The following LPP variants were observed in gnomAD, a reference collection of about 807,000 sequenced individuals.
LPP encodes the protein LIM domain containing preferred translocation partner in lipoma, also known as lipoma-preferred partner.
A neutral mutation model predicts 60.4 loss-of-function variants in LPP; 38 were observed. The observed-to-expected ratio is 0.63, with a 90% CI of 0.49 to 0.83. The LOEUF (loss-of-function observed/expected upper bound fraction) is 0.83. Among genes scored for constraint, LPP ranks in the 40% least tolerant of loss-of-function variants. The probability of loss-of-function intolerance (pLI) is 0.00; values close to 1 mark genes in which losing one functional copy is unlikely to be tolerated. For synonymous variants in LPP, 328 were observed against 290.8 expected (o/e 1.13, Z -1.30); for missense variants, 902 against 783.6 (o/e 1.15, Z -1.80).
At chr3:188,623,830 T>C (rs541340420) in intron 7 of LPP, among the ~76,000 whole-genome samples, 1 of 152,208 alleles carries the variant, frequency 6.6e-6, no homozygotes, top group Non-Finnish European at 1.5e-5. Context: ...CATGAGGCCA[T>C]TGGGCGGGTG....
At chr3:188,379,334 TCAATTCTTA>T (rs1401274319) in intron 3 of LPP, among the ~76,000 whole-genome samples, 6 of 152,178 alleles carry the variant, frequency 3.9e-5, no homozygotes, top group African/African-American at 1.4e-4. Flanking sequence ...GTGGGGAGAA[TCAATTCTTA>T]CAACTTTCGA....
chr3:188,753,988 T>C (rs896187822), intron 8 of LPP, among the ~76,000 whole-genome samples: 31 of 152,332 alleles, frequency 2.0e-4, no homozygotes, highest in African/African-American at 6.7e-4. Context: ...CAGAGCTAAA[T>C]GGCAATAACC....
chr3:188,407,627 T>C (rs980179756), intron 4 of LPP, among the ~76,000 whole-genome samples: 2 of 152,174 alleles, frequency 1.3e-5, no homozygotes, highest in African/African-American at 4.8e-5. Context: ...ACTGCATCTT[T>C]GCAGTTAATC....
At chr3:188,198,282 C>T (rs1730098586) in intron 1 of LPP, among the ~76,000 whole-genome samples, 2 of 152,222 alleles carry the variant, frequency 1.3e-5, no homozygotes, top group African/African-American at 2.4e-5. Context: ...CCAGGCACCA[C>T]ACTCCTAAAC....
chr3:188,746,172 A>C (rs1470809530), intron 8 of LPP, among the ~76,000 whole-genome samples: 1 of 151,864 alleles, frequency 6.6e-6, no homozygotes, highest in African/African-American at 2.4e-5. Flanking sequence ...TCATTATGGC[A>C]CTCCCTAGTC....
intron 6 of LPP, among the ~76,000 whole-genome samples, chr3:188,531,048 A>G (rs563831494): frequency 6.6e-6 from 1 of 152,126 alleles, no homozygotes; most frequent in East Asian, 1.9e-4. Context: ...TTTTTCCCCA[A>G]GTAAGTTTGG....
chr3:188,664,605 G>T (rs11922414), intron 7 of LPP, among the ~76,000 whole-genome samples: 9,024 of 151,982 alleles, frequency 0.059, 866 homozygotes, highest in African/African-American at 0.2. Context: ...ATGTGTATGT[G>T]TGTGTGTGTG....
At chr3:188,518,741 G>T (rs183964295) in intron 5 of LPP, among the ~76,000 whole-genome samples, 1 of 152,152 alleles carries the variant, frequency 6.6e-6, no homozygotes, top group Non-Finnish European at 1.5e-5. Flanking sequence ...TGAGTATGAC[G>T]CTGGGCATTG....
At chr3:188,699,833 T>C (rs965252085) in intron 7 of LPP, among the ~76,000 whole-genome samples, 4 of 152,114 alleles carry the variant, frequency 2.6e-5, no homozygotes, top group South Asian at 2.1e-4. Context: ...GGGTTCTCCT[T>C]CCATTTAAGC....
intron 1 of LPP, among the ~76,000 whole-genome samples, chr3:188,156,391 T>C (rs570728827): frequency 1.3e-4 from 20 of 152,264 alleles, no homozygotes; most frequent in Non-Finnish European, 2.4e-4. Flanking sequence ...ATAAAGGGGC[T>C]TAAAAATGCC....
At chr3:188,592,354 T>TCACA in intron 6 of LPP, among the ~76,000 whole-genome samples, 1 of 149,580 alleles carries the variant, frequency 6.7e-6, no homozygotes, top group South Asian at 2.1e-4. Flanking sequence ...ACGCACACAG[T>TCACA]CACACACACA....
chr3:188,439,409 T>G (rs1299207752), intron 4 of LPP, among the ~76,000 whole-genome samples: 1 of 152,248 alleles, frequency 6.6e-6, no homozygotes, highest in Non-Finnish European at 1.5e-5. Context: ...CGCTGTGTGC[T>G]TCCTGCCTTG....
At position 188,878,402 on chromosome 3, in the gene LPP, A is replaced by T. The variant is rs944603878; in HGVS notation, c.*3923A>T. ...CATATACATTTCTAGAAATATTGCT[A>T]TTCTACCTTAGTATTTCACATTTGT... On this transcript the variant is annotated 3_prime_UTR_variant, in exon 12 of 12. Transcript: ENST00000617246. 3 of 215,666 alleles carry T rather than the reference A, an allele frequency of 1.4e-5. No homozygotes were observed. In the East Asian group the frequency reaches 2.1e-4, roughly 15 times the overall value. 13.4% of individuals were successfully genotyped at this position (215,666 alleles called of 1,614,324 possible).
At chr3:188,732,546 C>T (rs1328626501) in intron 8 of LPP, among the ~76,000 whole-genome samples, 1 of 151,814 alleles carries the variant, frequency 6.6e-6, no homozygotes, top group Non-Finnish European at 1.5e-5. Flanking sequence ...GGTGAAACCC[C>T]GTCTCTACTA....
At chr3:188,345,274 T>C (rs977563659) in intron 3 of LPP, among the ~76,000 whole-genome samples, 14 of 152,194 alleles carry the variant, frequency 9.2e-5, no homozygotes, top group African/African-American at 3.1e-4. Flanking sequence ...ATAAATGGAC[T>C]CCAGGTATCT....
intron 6 of LPP, among the ~76,000 whole-genome samples, chr3:188,540,018 A>G (rs1344767340): frequency 1.3e-5 from 2 of 152,190 alleles, no homozygotes; most frequent in Non-Finnish European, 2.9e-5. Flanking sequence ...AGCCTCAATC[A>G]TGACTTTGCA....
chr3:188,766,188 G>A (rs531559121), intron 9 of LPP, among the ~76,000 whole-genome samples: 7 of 151,684 alleles, frequency 4.6e-5, no homozygotes, highest in South Asian at 2.1e-4. Context: ...AATTTTCTAC[G>A]TGAAGATCCT....
chr3:188,369,997 C>T (rs1315492144), intron 3 of LPP, among the ~76,000 whole-genome samples: 1 of 152,122 alleles, frequency 6.6e-6, no homozygotes, highest in Non-Finnish European at 1.5e-5. Flanking sequence ...GGCAGGATCT[C>T]GGCTCACTGC....
At chr3:188,861,522 A>G (rs1765191107) in intron 9 of LPP, among the ~76,000 whole-genome samples, 1 of 152,218 alleles carries the variant, frequency 6.6e-6, no homozygotes, top group Non-Finnish European at 1.5e-5. Context: ...AATACTCAAA[A>G]TTGAACACTT....
Sources: allele counts gnomAD v4.1 joint callset (sites outside exome capture counted in the v4.1 genomes callset), GRCh38; gene constraint gnomAD v4.1.1; transcripts MANE v1.5; gene names NCBI Gene and HGNC (gene_info 2026-07-23, HGNC 2026-07-21).